NBEAL2: variants seen among roughly 807,000 people sequenced by gnomAD.
The protein encoded by NBEAL2 is neurobeachin like 2.
In NBEAL2, 160 loss-of-function variants were observed where a neutral mutation model predicts 299.8. The ratio of observed to expected loss-of-function variants is 0.53; its 90% confidence interval spans 0.47 to 0.61. The LOEUF is 0.61. Among genes scored for constraint, NBEAL2 ranks in the 20% least tolerant of loss-of-function variants. NBEAL2 has a pLI of 0.00. For synonymous variants in NBEAL2, 1,493 were observed against 1,542.3 expected (o/e 0.97, Z 0.75); for missense variants, 3,112 against 3,649.0 (o/e 0.85, Z 3.79).
In NBEAL2 at chr3:46,982,917, C is replaced by T. The variant is rs2035442538; in HGVS notation, c.51+3005C>T. On this transcript the variant is annotated intron_variant, in intron 1 of 53. Transcript: ENST00000450053. The surrounding 1 kb of genome is among the most constrained non-coding windows in gnomAD (Gnocchi z 4.2). ...GAGTCTTGGGGGACTGGGGACAGCA[C>T]CTGACAGGCTGGCGGTTGGGCAGCC... Among the ~76,000 whole-genome samples, 1 of 152,140 alleles carries T rather than the reference C, an allele frequency of 6.6e-6. No individual in the cohort carries two copies. The highest frequency in any genetic ancestry group is 2.4e-5 in the African/African-American group (1 of 41,418).
rs538421567 is a variant in NBEAL2, at chr3:47,004,859, C to T, written c.6295-113C>T. The stretch of plus-strand genomic sequence containing the variant: ...CCCTGTGACCCCTCTAAGTGGTGCT[C>T]CCCCAACCTGTGGGCAGGCTCTGTG... On this transcript the variant is annotated intron_variant, in intron 38 of 53. Coordinates refer to ENST00000450053, the MANE Select transcript of NBEAL2 (RefSeq NM_015175.3). This position sits in a 1 kb window ranked among gnomAD's most constrained non-coding sequence, Gnocchi z 5.0. 30 of 1,476,190 alleles carry T rather than the reference C, an allele frequency of 2.0e-5. No individual in the cohort carries two copies. Among genetic ancestry groups the T allele is most frequent in the Non-Finnish European group, 2.6e-5 (29 of 1,095,552 alleles). The allele number at this position is 1,476,190 out of a possible 1,614,324, so 91.4% of individuals were successfully genotyped here.
chr3:47,005,122 C>T, intron 39 of NBEAL2, 26 bp downstream of exon 39: 1 of 1,613,876 alleles, frequency 6.2e-7, no homozygotes, highest in Non-Finnish European at 8.5e-7. Context: ...GGGCTGGGCT[C>T]AGCGGGTAGG....
Position 47,000,462 on chromosome 3 carries a change from C to T in NBEAL2, c.4305+58C>T. ...TACCCAAGGGAGGACACTTCTGGTACACAGGGCTGGCAGTGTAGCCTCTCC... is the reference window on the plus strand; with the variant it reads ...TACCCAAGGGAGGACACTTCTGGTATACAGGGCTGGCAGTGTAGCCTCTCC... On this transcript the variant is annotated intron_variant, in intron 27 of 53. Coordinates refer to ENST00000450053, the MANE Select transcript of NBEAL2 (RefSeq NM_015175.3). The surrounding 1 kb of genome is among the most constrained non-coding windows in gnomAD (Gnocchi z 4.5). The T allele has an allele frequency of 3.3e-6, 5 of 1,530,350 alleles. No homozygotes were observed. The highest frequency in any genetic ancestry group is 4.4e-6 in the Non-Finnish European group (5 of 1,138,134). The allele number at this position is 1,530,350 out of a possible 1,614,324, so 94.8% of individuals were successfully genotyped here.
At chr3:46,983,972 C>T (rs913442488) in intron 1 of NBEAL2, among the ~76,000 whole-genome samples, 1 of 151,916 alleles carries the variant, frequency 6.6e-6, no homozygotes, top group Non-Finnish European at 1.5e-5. Context: ...GTGGAGTGTA[C>T]TTTCATTTCA....
At position 46,996,947 on chromosome 3, in the gene NBEAL2, T is replaced by C. The variant is rs1390350369; in HGVS notation, c.2557-7T>C. ...CCCTGGCTGCCTGCCCATTCCCCTATCCCTAGGCTTGTAAGAACAACATCT... is the reference window on the plus strand; with the variant it reads ...CCCTGGCTGCCTGCCCATTCCCCTACCCCTAGGCTTGTAAGAACAACATCT... On this transcript the variant is annotated splice_region_variant and splice_polypyrimidine_tract_variant and intron_variant, in intron 17 of 53. Coordinates refer to ENST00000450053, the MANE Select transcript of NBEAL2 (RefSeq NM_015175.3). 6.2e-7 allele frequency: 1 copy of C among 1,612,896 alleles called. No individual in the cohort carries two copies. The highest frequency in any genetic ancestry group is 8.5e-7 in the Non-Finnish European group (1 of 1,179,674).
In NBEAL2 at chr3:46,997,563, G is replaced by A; in HGVS notation, c.2827G>A (p.Glu943Lys). Residue 943 changes from glutamate (E) to lysine (K), a missense_variant and splice_region_variant, in exon 20 of 54, where the codon GAA becomes AAA. This residue lies in a region of NBEAL2 where 2,243 missense variants were observed against 2,538.1 expected (regional missense o/e 0.88). Coordinates refer to ENST00000450053, the MANE Select transcript of NBEAL2 (RefSeq NM_015175.3). ...GTCCCCTTCCTGATGGCTGGCAGAG[G>A]AACGGATGGAGAGGAACGCAGTGGC... ...LVLPLGKSSE[E>K]RMERNAVAAF... is the part of the protein sequence containing the mutation. The A allele has an allele frequency of 6.3e-7, 1 of 1,592,216 alleles. No individual in the cohort carries two copies. The highest frequency in any genetic ancestry group is 8.6e-7 in the Non-Finnish European group (1 of 1,164,172).
intron 1 of NBEAL2, among the ~76,000 whole-genome samples, chr3:46,981,778 G>A (rs1169389716): frequency 6.6e-6 from 1 of 152,110 alleles, no homozygotes; most frequent in Non-Finnish European, 1.5e-5. Context: ...CAGGCTGCTG[G>A]GAGTGTCTTG....
chr3:46,994,751 G>C (rs974603823), intron 12 of NBEAL2, among the ~76,000 whole-genome samples, 198 bp downstream of exon 12: 1 of 152,234 alleles, frequency 6.6e-6, no homozygotes. Flanking sequence ...GCAACTGCAT[G>C]TGAGCAAGCC....
At chr3:46,980,397 G>A (rs1048701981) in intron 1 of NBEAL2, among the ~76,000 whole-genome samples, 3 of 152,088 alleles carry the variant, frequency 2.0e-5, no homozygotes, top group Non-Finnish European at 4.4e-5. Context: ...AGGGAGGTGT[G>A]TGGAAGGGGA....
In NBEAL2 at chr3:47,003,795, A is replaced by G; in HGVS notation, c.5721-21A>G. 1 of 1,575,542 alleles carries G rather than the reference A, an allele frequency of 6.3e-7. No homozygotes were observed. The highest frequency in any genetic ancestry group is 8.6e-7 in the Non-Finnish European group (1 of 1,159,572). ...AGGGGGTCCCAGAGCCTACAGCGTG[A>G]GGTGGGTTGCTGGTCTTTAGGATGG... On this transcript the variant is annotated intron_variant, in intron 35 of 53. Transcript: ENST00000450053. The surrounding 1 kb of genome is among the most constrained non-coding windows in gnomAD (Gnocchi z 7.0).
chr3:47,006,131 C>T, intron 43 of NBEAL2, 34 bp from the exon 44 acceptor site: 2 of 1,613,278 alleles, frequency 1.2e-6, no homozygotes, highest in Non-Finnish European at 1.7e-6. Flanking sequence ...AGAGGGCACG[C>T]AGGGAGCCCT....
Position 46,997,658 on chromosome 3 carries a change from C to T in NBEAL2, c.2922C>T (p.Cys974=), listed in dbSNP as rs1413996152. 6.4e-7 allele frequency: 1 copy of T among 1,572,470 alleles called. No individual in the cohort carries two copies. The highest frequency in any genetic ancestry group is 1.2e-5 in the South Asian group (1 of 86,826). ...TGAACCAAGAGAGCCTGGTGCAGTG[C>T]CAGGGGCCTGCCATCATCGGGGCCC... is the stretch of plus-strand genomic sequence containing the variant. ...HMVNQESLVQ[C]QGPAIIGALL... is the part of the protein sequence containing the mutation. Residue 974 remains cysteine (C), a synonymous_variant, in exon 20 of 54, where the codon TGC becomes TGT. Transcript: ENST00000450053.
At position 47,008,316 on chromosome 3, in the gene NBEAL2, G is replaced by A. The variant is rs753184460; in HGVS notation, c.7753G>A (p.Gly2585Arg). 39 of 1,613,176 alleles carry A rather than the reference G, an allele frequency of 2.4e-5. No homozygotes were observed. The Middle Eastern group carries it at 6.6e-4, about 27-fold the overall frequency. ...GTVIIHTVRR[G>R]QFVAALRPLG... ...TGTGATCATACACACTGTACGCCGC[G>A]GACAGTTTGTAGCGGCACTACGGCC... The change falls in exon 51 of 54, where the codon GGA becomes AGA. Residue 2585 changes from glycine to arginine, a missense_variant. By Grantham distance (125) the Gly-to-Arg change is moderately radical (BLOSUM62 -2). Around this residue, in one of 3 missense-constraint regions of NBEAL2, gnomAD observed 348 missense variants for 381.4 expected, o/e 0.91. Coordinates refer to ENST00000450053, the MANE Select transcript of NBEAL2 (RefSeq NM_015175.3).
chr3:46,980,510 C>T (rs746737924), intron 1 of NBEAL2, among the ~76,000 whole-genome samples: 1 of 152,092 alleles, frequency 6.6e-6, no homozygotes, highest in Non-Finnish European at 1.5e-5. Context: ...CCCACCCCAC[C>T]CCCATTCTGA....
Position 47,009,116 on chromosome 3 carries a change from C to T in NBEAL2, c.8155C>T (p.Pro2719Ser). 1.3e-6 allele frequency: 2 copies of T among 1,583,556 alleles called. No individual in the cohort carries two copies. Among genetic ancestry groups the T allele is most frequent in the Non-Finnish European group, 8.5e-7 (1 of 1,169,786 alleles). Residue 2719 changes from proline (P) to serine (S), a missense_variant, in exon 53 of 54, where the codon CCC (proline) becomes TCC (serine). Around this residue, in one of 3 missense-constraint regions of NBEAL2, gnomAD observed 348 missense variants for 381.4 expected, o/e 0.91. Transcript: ENST00000450053. The part of the protein sequence containing the change: ...GKLIVVVAGQ[P>S]SEVRSSQFAR... Reference sequence around the variant, plus strand: ...GCTCATCGTGGTGGTCGCGGGGCAGCCCTCTGAGGTGAGGATGGGGCGGGG... The same window carrying T: ...GCTCATCGTGGTGGTCGCGGGGCAGTCCTCTGAGGTGAGGATGGGGCGGGG...
Position 46,989,589 on chromosome 3 carries a change from C to G in NBEAL2, c.552C>G (p.Phe184Leu). The G allele has an allele frequency of 6.3e-7, 1 of 1,587,942 alleles. No homozygotes were observed. Among genetic ancestry groups the G allele is most frequent in the South Asian group, 1.1e-5 (1 of 87,060 alleles). The change falls in exon 6 of 54, where the codon TTC becomes TTG. Residue 184 changes from phenylalanine to leucine, a missense_variant. Physicochemically the swap from Phe to Leu is conservative, Grantham distance 22 (BLOSUM62 0). Coordinates refer to ENST00000450053, the MANE Select transcript of NBEAL2 (RefSeq NM_015175.3). This position sits in a 1 kb window ranked among gnomAD's most constrained non-coding sequence, Gnocchi z 5.5. Reference sequence around the variant, plus strand: ...TGCCCCAGGAATTCAGCGCCTTCTTCCAAGGTCAGGCCCCGCCCCTGCCCC... The same window carrying G: ...TGCCCCAGGAATTCAGCGCCTTCTTGCAAGGTCAGGCCCCGCCCCTGCCCC... ...AALPQEFSAF[F>L]QESLQNADHL... is the part of the protein sequence containing the mutation.
Position 47,006,377 on chromosome 3 carries a change from C to T in NBEAL2, c.7062C>T (p.Arg2354=). The T allele has an allele frequency of 1.3e-6, 2 of 1,595,746 alleles. No individual in the cohort carries two copies. Among genetic ancestry groups the T allele is most frequent in the African/African-American group, 1.3e-5 (1 of 74,646 alleles). Residue 2354 remains arginine, a synonymous_variant, in exon 45 of 54, where the codon CGC becomes CGT. Coordinates refer to ENST00000450053, the MANE Select transcript of NBEAL2 (RefSeq NM_015175.3). The stretch of plus-strand genomic sequence containing the variant: ...TCTCAGCTGAGGAAGCAGCCCATCG[C>T]CTTGCACGCCTGGACACTAACTCAC... ...TRLSAEEAAH[R]LARLDTNSPS...
Position 47,002,192 on chromosome 3 carries a change from G to C in NBEAL2, c.5055G>C (p.Leu1685=), listed in dbSNP as rs371580851. Residue 1685 remains leucine (L), a synonymous_variant, in exon 31 of 54, where the codon CTG becomes CTC. Coordinates refer to ENST00000450053, the MANE Select transcript of NBEAL2 (RefSeq NM_015175.3). ...AYEPLGLQWG[L]PSLPPTNGSP... is the part of the protein sequence containing the mutation. Reference sequence around the variant, plus strand: ...AGCCGCTGGGGCTGCAGTGGGGACTGCCCTCCCTGCCACCCACCAATGGCA... The same window carrying C: ...AGCCGCTGGGGCTGCAGTGGGGACTCCCCTCCCTGCCACCCACCAATGGCA... 4.1e-5 allele frequency: 62 copies of C among 1,524,014 alleles called. No individual in the cohort carries two copies. Among genetic ancestry groups the C allele is most frequent in the Non-Finnish European group, 5.1e-5 (58 of 1,131,604 alleles). 94.4% of individuals were successfully genotyped at this position (1,524,014 alleles called of 1,614,324 possible). A position where few individuals can be genotyped will look rare whatever the true frequency, so the allele number is the denominator to read the frequency against.
In NBEAL2 at chr3:46,995,738, G is replaced by A. The variant is rs1575600322; in HGVS notation, c.1923G>A (p.Gly641=). 2 of 1,613,724 alleles carry A rather than the reference G, an allele frequency of 1.2e-6. No homozygotes were observed. The highest frequency in any genetic ancestry group is 1.7e-6 in the Non-Finnish European group (2 of 1,179,860). ...LYSFFTSSGS[G]FEAFFTAAGT... is the part of the protein sequence containing the mutation. The stretch of plus-strand genomic sequence containing the variant: ...GCTTCTTTACCAGCAGCGGCTCAGG[G>A]TTTGAGGCCTTCTTCACGGCGGCCG... The change falls in exon 14 of 54, where the codon GGG becomes GGA. Residue 641 remains glycine (G), a synonymous_variant. Transcript: ENST00000450053.
Sources: allele counts gnomAD v4.1 joint callset (sites outside exome capture counted in the v4.1 genomes callset), GRCh38; gene constraint gnomAD v4.1.1; regional missense constraint gnomAD v4.1.1; non-coding constraint Gnocchi (gnomAD v3.1); transcripts MANE v1.5; gene names NCBI Gene and HGNC (gene_info 2026-07-23, HGNC 2026-07-21).